DYNC2LI1: variants seen among roughly 807,000 people sequenced by gnomAD.
DYNC2LI1 encodes dynein cytoplasmic 2 light intermediate chain 1.
DYNC2LI1 carries 45 observed loss-of-function variants against 51.9 expected under a neutral mutation model. The observed-to-expected ratio is 0.87, with a 90% CI of 0.68 to 1.11. The LOEUF (loss-of-function observed/expected upper bound fraction) is 1.11. Among genes scored for constraint, DYNC2LI1 ranks in the 50% most tolerant of loss-of-function variants. The probability of loss-of-function intolerance (pLI) is 0.00; values close to 1 mark genes in which losing one functional copy is unlikely to be tolerated. For missense variants in DYNC2LI1, 490 were observed against 417.4 expected, an observed-to-expected ratio of 1.17 and a Z score of -1.51; for synonymous variants, 130 against 137.8, an observed-to-expected ratio of 0.94 and a Z score of 0.40.
In DYNC2LI1 at chr2:43,801,753, TA is replaced by T. The variant is rs756348558; in HGVS notation, c.802+45del. 13 of 1,465,954 alleles carry T rather than the reference TA, an allele frequency of 8.9e-6. 1 individual carries two copies. Among genetic ancestry groups the T allele is most frequent in the Middle Eastern group, 4.1e-4 (2 of 4,880 alleles). The allele number at this position is 1,465,954 out of a possible 1,614,324, so 90.8% of individuals were successfully genotyped here. Reference sequence around the variant, plus strand: ...ATTGTTCAATCTTTTTTTAATTGCTTATTGATTTTGTCCTACTCCATGTTCA... The same window carrying T: ...ATTGTTCAATCTTTTTTTAATTGCTTTTGATTTTGTCCTACTCCATGTTCA... On this transcript the variant is annotated intron_variant, in intron 10 of 12. Coordinates refer to ENST00000260605, the MANE Select transcript of DYNC2LI1 (RefSeq NM_016008.4).
At chr2:43,824,737 C>A in the DYNC2LI1 span, 3 of 1,447,730 alleles carry the variant, frequency 2.1e-6, no homozygotes, top group African/African-American at 4.3e-5. Context: ...CTGGCAAGTT[C>A]ATTGACCCGG....
At chr2:43,781,872 G>C (rs1673303809) in intron 2 of DYNC2LI1, 1 of 152,120 alleles carries the variant, frequency 6.6e-6, no homozygotes, top group Admixed American at 6.5e-5. Flanking sequence ...AAAGTGCTGG[G>C]ATTACAGGCG....
intron 6 of DYNC2LI1, chr2:43,795,031 C>T: frequency 9.2e-7 from 1 of 1,090,076 alleles, no homozygotes; most frequent in South Asian, 3.9e-5. Context: ...TTGTAATAGC[C>T]TTCACCATCA....
At chr2:43,824,157 T>A in the DYNC2LI1 span, 2 of 1,614,032 alleles carry the variant, frequency 1.2e-6, no homozygotes, top group African/African-American at 2.7e-5. Context: ...CTTTTCAGAA[T>A]TGTTATTGGG....
downstream of DYNC2LI1, among the ~76,000 whole-genome samples, chr2:43,814,744 A>T (rs796661984): frequency 5.9e-5 from 9 of 152,328 alleles, no homozygotes; most frequent in African/African-American, 2.2e-4. Context: ...CCTTCAAACA[A>T]CATTGAACAA....
the DYNC2LI1 span, chr2:43,819,908 A>G: frequency 3.7e-6 from 6 of 1,614,130 alleles, no homozygotes; most frequent in Non-Finnish European, 5.1e-6. Flanking sequence ...GAATTATGAT[A>G]TCTTACCTGA....
intron 4 of DYNC2LI1, 75 bp downstream of exon 4, chr2:43,787,325 C>T: frequency 8.1e-7 from 1 of 1,241,672 alleles, no homozygotes; most frequent in Non-Finnish European, 1.2e-6. Flanking sequence ...TTTACATTTT[C>T]CATCTCATCT....
At chr2:43,784,311 C>G (rs1274083464) in intron 3 of DYNC2LI1, among the ~76,000 whole-genome samples, 3 of 152,190 alleles carry the variant, frequency 2.0e-5, no homozygotes, top group African/African-American at 7.2e-5. Flanking sequence ...CTTTCCATAT[C>G]CAGGAATCAT....
chr2:43,803,593 T>G (rs1455128901), intron 10 of DYNC2LI1, among the ~76,000 whole-genome samples: 3 of 152,152 alleles, frequency 2.0e-5, no homozygotes, highest in Non-Finnish European at 2.9e-5. Context: ...CACAGGATCT[T>G]TGTGCTAGTG....
chr2:43,823,839 T>A, the DYNC2LI1 span: 1 of 1,539,554 alleles, frequency 6.5e-7, no homozygotes, highest in Non-Finnish European at 8.9e-7. Flanking sequence ...AATGGTAGAC[T>A]TTTGTAAGGT....
At chr2:43,820,123 G>A in the DYNC2LI1 span, 3 of 1,609,164 alleles carry the variant, frequency 1.9e-6, no homozygotes, top group South Asian at 2.2e-5. Flanking sequence ...AAGCTCTTTA[G>A]TTTCCTCTCC....
At chr2:43,794,115 T>C (rs1673920923) in intron 5 of DYNC2LI1, 1 of 196,600 alleles carries the variant, frequency 5.1e-6, no homozygotes, top group Non-Finnish European at 1.0e-5. Context: ...TTTTATTATT[T>C]TTGCTTCCCT....
chr2:43,822,497 G>A, the DYNC2LI1 span: 9 of 901,734 alleles, frequency 1.0e-5, no homozygotes, highest in Non-Finnish European at 9.2e-6. Flanking sequence ...CATGCACCTG[G>A]GTCCTAGCTA....
intron 6 of DYNC2LI1, 167 bp downstream of exon 6, chr2:43,794,810 G>A: frequency 6.8e-7 from 1 of 1,470,068 alleles, no homozygotes; most frequent in Non-Finnish European, 9.0e-7. Flanking sequence ...CTCAGTAAGA[G>A]CAAAACAAGG....
chr2:43,794,497 A>G lies in DYNC2LI1; in HGVS notation c.361A>G (p.Asn121Asp), dbSNP rs780205827. ...TCTCGTTCTGGATCTTTCAAAACCTAATGATCTCTGGCCCACCATGGAAAA... is the reference window on the plus strand; with the variant it reads ...TCTCGTTCTGGATCTTTCAAAACCTGATGATCTCTGGCCCACCATGGAAAA... ...LVLVLDLSKP[N>D]DLWPTMENLL... Residue 121 changes from asparagine (N) to aspartate (D), a missense_variant, in exon 6 of 13, where the codon AAT (asparagine) becomes GAT (aspartate). Transcript: ENST00000260605. 20 of 1,613,810 alleles carry G rather than the reference A, an allele frequency of 1.2e-5. No individual in the cohort carries two copies. The highest frequency in any genetic ancestry group is 1.6e-4 in the Middle Eastern group (1 of 6,080).
intron 1 of DYNC2LI1, among the ~76,000 whole-genome samples, chr2:43,774,394 G>T (rs938155686): frequency 3.3e-5 from 5 of 152,194 alleles, no homozygotes; most frequent in Non-Finnish European, 5.9e-5. Context: ...TTCAATGATT[G>T]AATAAAAGTT....
At chr2:43,796,533 G>A (rs193154957) in intron 7 of DYNC2LI1, among the ~76,000 whole-genome samples, 185 bp from the exon 8 acceptor site, 3 of 152,236 alleles carry the variant, frequency 2.0e-5, no homozygotes, top group Admixed American at 2.0e-4. Flanking sequence ...TCTGTTAGCT[G>A]TAGTTCTAAG....
chr2:43,804,644 T>A lies in DYNC2LI1; in HGVS notation c.805T>A (p.Ser269Thr), dbSNP rs1666181479. 1 of 1,591,018 alleles carries A rather than the reference T, an allele frequency of 6.3e-7. No individual in the cohort carries two copies. Among genetic ancestry groups the A allele is most frequent in the African/African-American group, 1.4e-5 (1 of 73,698 alleles). ...TGTGGTAAAACTTGCTATTTTAGGA[T>A]CTCCTCCTGTTCCTGAAAATGACAT... The part of the protein sequence containing the change: ...AGLDSFGQIG[S>T]PPVPENDIGK... Residue 269 changes from serine (S) to threonine (T), a missense_variant and splice_region_variant, in exon 11 of 13, where the codon TCT (serine) becomes ACT (threonine). Transcript: ENST00000260605.
At chr2:43,816,326 C>T in the DYNC2LI1 span, among the ~76,000 whole-genome samples, 4 of 152,166 alleles carry the variant, frequency 2.6e-5, no homozygotes, top group Admixed American at 1.3e-4. Flanking sequence ...AAAGGAAGAC[C>T]GTGACAGGAA....
Sources: allele counts gnomAD v4.1 joint callset (sites outside exome capture counted in the v4.1 genomes callset), GRCh38; gene constraint gnomAD v4.1.1; transcripts MANE v1.5; gene names NCBI Gene and HGNC (gene_info 2026-07-23, HGNC 2026-07-21).